The following CCDC3 variants were observed in gnomAD, a reference collection of about 807,000 sequenced individuals.
CCDC3 encodes the protein coiled-coil domain-containing protein 3.
In CCDC3, 24 loss-of-function variants were observed where a neutral mutation model predicts 21.4. That is an observed-to-expected ratio of 1.12 (90% CI 0.81 to 1.58). The LOEUF (loss-of-function observed/expected upper bound fraction) is 1.58. Ranked by LOEUF, CCDC3 falls within the 40% of genes most tolerant of loss-of-function variation. CCDC3 has a pLI of 0.00. For missense variants in CCDC3, 425 were observed against 360.9 expected (o/e 1.18, Z -1.44); for synonymous variants, 186 against 166.0 (o/e 1.12, Z -0.93).
intron 2 of CCDC3, among the ~76,000 whole-genome samples, chr10:12,910,382 T>C (rs1475064422): frequency 6.6e-6 from 1 of 152,180 alleles, no homozygotes; most frequent in African/African-American, 2.4e-5. Context: ...ATGCAGTTGC[T>C]GCTACATATT....
chr10:12,988,636 G>A (rs74610102), intron 2 of CCDC3, among the ~76,000 whole-genome samples: 6,594 of 152,078 alleles, frequency 0.043, 483 homozygotes, highest in African/African-American at 0.15. Flanking sequence ...GAGCCACCGC[G>A]CCCCACCTAC....
intron 2 of CCDC3, among the ~76,000 whole-genome samples, chr10:12,986,200 T>G (rs967403384): frequency 1.3e-5 from 2 of 152,218 alleles, no homozygotes; most frequent in African/African-American, 4.8e-5. Context: ...TAAAAGTAAT[T>G]ACTTTTGTAC....
chr10:13,047,425 C>A (rs1170750943), intron 5 of CCDC3, among the ~76,000 whole-genome samples: 1 of 152,026 alleles, frequency 6.6e-6, no homozygotes, highest in Admixed American at 6.6e-5. Context: ...TGTTAGGGAT[C>A]CCCAGGAAAA....
At chr10:13,066,521 G>A (rs1009711090) in intron 4 of CCDC3, among the ~76,000 whole-genome samples, 1 of 152,230 alleles carries the variant, frequency 6.6e-6, no homozygotes, top group Non-Finnish European at 1.5e-5. Flanking sequence ...AGAAAGAGAT[G>A]TTTAGTTTTG....
At chr10:12,907,357 T>G (rs1834188983) in intron 2 of CCDC3, among the ~76,000 whole-genome samples, 1 of 152,114 alleles carries the variant, frequency 6.6e-6, no homozygotes, top group African/African-American at 2.4e-5. Flanking sequence ...GGAATAAAGT[T>G]AGTTTTGCCG....
chr10:12,905,424 C>T (rs1360454950), intron 2 of CCDC3, among the ~76,000 whole-genome samples: 1 of 152,182 alleles, frequency 6.6e-6, no homozygotes, highest in African/African-American at 2.4e-5. Flanking sequence ...GGGCTCAAGG[C>T]AAACGCAGGT....
chr10:12,995,875 T>A (rs749502743), intron 2 of CCDC3, among the ~76,000 whole-genome samples: 2 of 152,248 alleles, frequency 1.3e-5, no homozygotes. Flanking sequence ...CATTGTTCTT[T>A]GTTTTTCCCA....
At chr10:13,024,345 T>C (rs537785366) in intron 5 of CCDC3, among the ~76,000 whole-genome samples, 3 of 152,302 alleles carry the variant, frequency 2.0e-5, no homozygotes, top group African/African-American at 4.8e-5. Context: ...GGCAGTCCTC[T>C]CTCTGAAGAA....
chr10:13,059,067 A>C (rs1836719285), intron 4 of CCDC3, among the ~76,000 whole-genome samples: 1 of 152,334 alleles, frequency 6.6e-6, no homozygotes, highest in African/African-American at 2.4e-5. Context: ...TGTGGCAGAC[A>C]AACTGTCCAC....
chr10:13,058,392 C>T (rs942612664), intron 4 of CCDC3: 11 of 920,730 alleles, frequency 1.2e-5, no homozygotes, highest in African/African-American at 1.6e-5. Context: ...TACGCTGCAG[C>T]GTAATTTGTC....
At chr10:13,002,208 A>G (rs184928446), upstream of CCDC3, among the ~76,000 whole-genome samples, 70 of 152,262 alleles carry the variant, frequency 4.6e-4, 2 homozygotes, top group African/African-American at 1.7e-3. Flanking sequence ...CCAAAAAGCA[A>G]TCATTTGGCC....
chr10:12,956,372 G>A (rs1835085682), intron 2 of CCDC3, among the ~76,000 whole-genome samples: 1 of 152,088 alleles, frequency 6.6e-6, no homozygotes, highest in Admixed American at 6.6e-5. Context: ...TGAAGGTCAG[G>A]GTCCTCTTTC....
intron 5 of CCDC3, among the ~76,000 whole-genome samples, chr10:13,017,569 A>T (rs1320465672): frequency 1.3e-5 from 2 of 151,544 alleles, no homozygotes; most frequent in African/African-American, 2.4e-5. Context: ...GCCTTTTTTT[A>T]AATTTCAAGT....
At chr10:12,963,356 G>A (rs964493391) in intron 2 of CCDC3, among the ~76,000 whole-genome samples, 6 of 152,012 alleles carry the variant, frequency 3.9e-5, no homozygotes, top group African/African-American at 1.5e-4. Context: ...CTTTTCACTG[G>A]TATGGCATTG....
intron 2 of CCDC3, among the ~76,000 whole-genome samples, chr10:12,939,697 C>CGGATCAATT (rs1834791137): frequency 6.9e-6 from 1 of 145,516 alleles, no homozygotes; most frequent in African/African-American, 2.6e-5. Flanking sequence ...CCTGGGAAGG[C>CGGATCAATT]CAACCTCACA....
intron 2 of CCDC3, among the ~76,000 whole-genome samples, chr10:12,941,070 C>G (rs776283795): frequency 5.9e-5 from 9 of 152,152 alleles, no homozygotes; most frequent in Non-Finnish European, 1.2e-4. Flanking sequence ...CATTCTAAGT[C>G]ACAGGATGAG....
chr10:13,082,540 A>C (rs559268300), intron 3 of CCDC3, among the ~76,000 whole-genome samples: 84 of 152,308 alleles, frequency 5.5e-4, no homozygotes, highest in African/African-American at 1.9e-3. Flanking sequence ...CAGGCCTTCC[A>C]CAAGAGGTGG....
At chr10:12,907,881 G>A (rs967660139) in intron 2 of CCDC3, among the ~76,000 whole-genome samples, 1 of 152,188 alleles carries the variant, frequency 6.6e-6, no homozygotes, top group Non-Finnish European at 1.5e-5. Flanking sequence ...GCTAGATGAT[G>A]GAAAACCTGG....
At chr10:13,086,418 T>C (rs767478860) in intron 3 of CCDC3, among the ~76,000 whole-genome samples, 3 of 152,250 alleles carry the variant, frequency 2.0e-5, no homozygotes, top group Non-Finnish European at 4.4e-5. Flanking sequence ...TGGAATATTT[T>C]GGGAGTTATG....
Sources: gnomAD v4.1 joint callset for allele counts (sites outside exome capture counted in the v4.1 genomes callset) on GRCh38, gnomAD v4.1.1 for gene constraint, MANE v1.5 for transcripts, NCBI Gene and HGNC (gene_info 2026-07-23, HGNC 2026-07-21) for gene names.